The following LHX9 variants were observed in gnomAD, a reference collection of about 807,000 sequenced individuals.
LHX9 encodes LIM homeobox 9.
Under a neutral mutation model 36.5 loss-of-function variants are expected in LHX9, and 9 were observed. The ratio of observed to expected loss-of-function variants is 0.25; its 90% CI spans 0.15 to 0.43. The LOEUF (loss-of-function observed/expected upper bound fraction) is 0.43. LHX9 is among the 20% of genes least tolerant of loss of function. The probability of loss-of-function intolerance (pLI) is 1.00; values close to 1 mark genes in which losing one functional copy is unlikely to be tolerated. For synonymous variants in LHX9, 211 were observed against 212.1 expected, an observed-to-expected ratio of 0.99 and a Z score of 0.04; for missense variants, 464 against 526.4, an observed-to-expected ratio of 0.88 and a Z score of 1.16.
At chr1:197,923,280 C>T (rs1660044690) in intron 3 of LHX9, among the ~76,000 whole-genome samples, 1 of 152,220 alleles carries the variant, frequency 6.6e-6, no homozygotes. Flanking sequence ...CGGGCGAAGC[C>T]CCGGGTTTTG....
Position 197,921,582 on chromosome 1 carries a change from C to G in LHX9, c.656C>G (p.Thr219Arg), listed in dbSNP as rs374017815. ...GGLALPYFNG[T>R]GTVQKGRPRK... ...CTGGCCCTGCCTTACTTCAACGGTA[C>G]GGGCACCGTGCAGAAAGGGCGGCCC... The change falls in exon 3 of 5, where the codon ACG becomes AGG. Residue 219 changes from threonine (T) to arginine (R), a missense_variant. Physicochemically the swap from Thr to Arg is moderately conservative, Grantham distance 71. Around this residue, in one of 5 missense-constraint regions of LHX9, gnomAD observed 130 missense variants for 109.6 expected, o/e 1.19. Coordinates refer to ENST00000367387, the MANE Select transcript of LHX9 (RefSeq NM_020204.3). This position sits in a 1 kb window ranked among gnomAD's most constrained non-coding sequence, Gnocchi z 4.6. 1 of 1,611,620 alleles carries G rather than the reference C, an allele frequency of 6.2e-7. No homozygotes were observed. The highest frequency in any genetic ancestry group is 8.5e-7 in the Non-Finnish European group (1 of 1,179,828).
At position 197,921,030 on chromosome 1, in the gene LHX9, T is replaced by A. The variant is rs12142428; in HGVS notation, c.378-274T>A. 0.36 allele frequency among the ~76,000 whole-genome samples: 55,197 copies of A among 152,034 alleles called. 12,771 individuals are homozygous for A. The highest frequency in any genetic ancestry group is 0.52 in the Non-Finnish European group (35,464 of 67,944). The stretch of plus-strand genomic sequence containing the variant: ...GCTAGTGCTAACTAGTGGTTTGCTT[T>A]TTTAAATTTTTTTTAATGTTTTAAA... On this transcript the variant is annotated intron_variant, in intron 2 of 4. Coordinates refer to ENST00000367387, the MANE Select transcript of LHX9 (RefSeq NM_020204.3). This position sits in a 1 kb window ranked among gnomAD's most constrained non-coding sequence, Gnocchi z 4.6.
In LHX9 at chr1:197,921,799, T is replaced by TGAAG. The variant is rs1182851525; in HGVS notation, c.733+146_733+149dup. 15 of 711,604 alleles carry TGAAG rather than the reference T, an allele frequency of 2.1e-5. No homozygotes were observed. The highest frequency in any genetic ancestry group is 3.4e-5 in the Non-Finnish European group (15 of 442,576). The allele number at this position is 711,604 out of a possible 1,614,324, so 44.1% of individuals were successfully genotyped here. A position where few individuals can be genotyped will look rare whatever the true frequency, so the allele number is the denominator to read the frequency against. On this transcript the variant is annotated intron_variant, in intron 3 of 4. Transcript: ENST00000367387. This position sits in a 1 kb window ranked among gnomAD's most constrained non-coding sequence, Gnocchi z 4.6. ...TTCTCACTGCAACTCCCTCTCACTC[T>TGAAG]GAAGGAAGGGAGAGAGGGAGGAGGA...
chr1:197,916,355 C>T (rs373812421), upstream of LHX9: 1 of 333,826 alleles, frequency 3.0e-6, no homozygotes, highest in Non-Finnish European at 5.5e-6. Context: ...CCTTTCACAC[C>T]CTTCTGAGTG....
chr1:197,918,410 G>T (rs996954974), intron 1 of LHX9: 8 of 716,806 alleles, frequency 1.1e-5, no homozygotes, highest in Non-Finnish European at 1.8e-5. Flanking sequence ...CCAAGCAGGA[G>T]CCCAGGTGGC....
chr1:197,916,714 G>A, upstream of LHX9: 1 of 702,958 alleles, frequency 1.4e-6, no homozygotes, highest in Non-Finnish European at 2.6e-6. Flanking sequence ...CACTTCGGAT[G>A]AAGCCAGCAT....
chr1:197,920,189 C>A lies in LHX9; in HGVS notation c.377+15C>A, dbSNP rs114680933. 7.8e-4 allele frequency: 1,255 copies of A among 1,612,528 alleles called. 11 individuals are homozygous for A. The East Asian group carries it at 0.015, about 19-fold the overall frequency. ...GATTACTACAGGTACTCCCCTACAC[C>A]CCCACTTCCTACGCCCGAGTACACC... On this transcript the variant is annotated intron_variant, in intron 2 of 4. Coordinates refer to ENST00000367387, the MANE Select transcript of LHX9 (RefSeq NM_020204.3).
chr1:197,927,062 C>T (rs1660163286), intron 3 of LHX9, among the ~76,000 whole-genome samples: 1 of 152,174 alleles, frequency 6.6e-6, no homozygotes, highest in Non-Finnish European at 1.5e-5. Context: ...CTAGATGCTT[C>T]CTTAGTTGGT....
At chr1:197,928,277 G>A (rs1016718617) in intron 4 of LHX9, among the ~76,000 whole-genome samples, 8 of 152,292 alleles carry the variant, frequency 5.3e-5, no homozygotes, top group Admixed American at 2.6e-4. Flanking sequence ...ACCAATTGGA[G>A]CAAGTATTTT....
At chr1:197,914,521 G>T (rs1659696224), upstream of LHX9, among the ~76,000 whole-genome samples, 1 of 152,112 alleles carries the variant, frequency 6.6e-6, no homozygotes, top group African/African-American at 2.4e-5. Flanking sequence ...TTGAGAATGA[G>T]GAGCGGGGAG....
chr1:197,917,317 C>G (rs1176608598), upstream of LHX9: 3 of 1,250,652 alleles, frequency 2.4e-6, no homozygotes, highest in South Asian at 2.8e-5. Flanking sequence ...ACTAAATTAT[C>G]AAAAATGGGC....
At position 197,921,729 on chromosome 1, in the gene LHX9, C is replaced by T. The variant is rs532409086; in HGVS notation, c.733+70C>T. The T allele has an allele frequency of 3.1e-6, 4 of 1,275,504 alleles. No individual in the cohort carries two copies. The East Asian group carries it at 1.0e-4, about 32-fold the overall frequency. The allele number at this position is 1,275,504 out of a possible 1,614,324, so 79.0% of individuals were successfully genotyped here. A position where few individuals can be genotyped will look rare whatever the true frequency, so the allele number is the denominator to read the frequency against. The stretch of plus-strand genomic sequence containing the variant: ...AGGAAAATTCGTAGAGCTCCTTCCC[C>T]GTCCAAAGTCTTGCTGCAAGAGTGT... On this transcript the variant is annotated intron_variant, in intron 3 of 4. Transcript: ENST00000367387. The surrounding 1 kb of genome is among the most constrained non-coding windows in gnomAD (Gnocchi z 4.6).
chr1:197,926,009 T>A (rs953655582), intron 3 of LHX9, among the ~76,000 whole-genome samples: 2 of 152,208 alleles, frequency 1.3e-5, no homozygotes, highest in African/African-American at 4.8e-5. Context: ...CTCCTACTTA[T>A]GCGTCTTATG....
rs1275842921 is a variant in LHX9, at chr1:197,933,806, G to A, written c.*4547G>A. 1.3e-5 allele frequency: 2 copies of A among 151,710 alleles called. No homozygotes were observed. Among genetic ancestry groups the A allele is most frequent in the Non-Finnish European group, 2.9e-5 (2 of 67,956 alleles). The allele number at this position is 151,710 out of a possible 1,614,324, so 9.4% of individuals were successfully genotyped here. Reference sequence around the variant, plus strand: ...CTAATTATGTGAGTGGGAAGAGGAAGCGTGTGATGCAGAGCTGGAAGGTCT... The same window carrying A: ...CTAATTATGTGAGTGGGAAGAGGAAACGTGTGATGCAGAGCTGGAAGGTCT... On this transcript the variant is annotated 3_prime_UTR_variant, in exon 5 of 5. Transcript: ENST00000367387.
chr1:197,919,647 A>T (rs1299641141), intron 1 of LHX9, among the ~76,000 whole-genome samples: 2 of 152,214 alleles, frequency 1.3e-5, no homozygotes, highest in African/African-American at 4.8e-5. Flanking sequence ...TTTAGCTTGT[A>T]ATTATTTGAA....
Position 197,934,121 on chromosome 1 carries a change from A to G in LHX9, c.*4862A>G, listed in dbSNP as rs1383240086. 2 of 152,198 alleles carry G rather than the reference A, an allele frequency of 1.3e-5. No individual in the cohort carries two copies. The highest frequency in any genetic ancestry group is 4.8e-5 in the African/African-American group (2 of 41,448). 9.4% of individuals were successfully genotyped at this position (152,198 alleles called of 1,614,324 possible). On this transcript the variant is annotated 3_prime_UTR_variant, in exon 5 of 5. Coordinates refer to ENST00000367387, the MANE Select transcript of LHX9 (RefSeq NM_020204.3). ...TCAAATAAGGATAAAACTCCATAAT[A>G]AAGGACCCAAAGCAAATACTTTTAA...
At chr1:197,914,889 G>T (rs181304425), upstream of LHX9, among the ~76,000 whole-genome samples, 1 of 152,316 alleles carries the variant, frequency 6.6e-6, no homozygotes, top group Non-Finnish European at 1.5e-5. Flanking sequence ...GAAACTGATT[G>T]CAGAAGGTGT....
At chr1:197,914,732 A>T (rs1287603122), upstream of LHX9, among the ~76,000 whole-genome samples, 1 of 151,250 alleles carries the variant, frequency 6.6e-6, no homozygotes, top group African/African-American at 2.4e-5. Flanking sequence ...CCCCCACCCC[A>T]CCCCCAGCTT....
Position 197,929,327 on chromosome 1 carries a change from T to C in LHX9, c.*68T>C. 3.4e-6 allele frequency: 4 copies of C among 1,178,128 alleles called. No homozygotes were observed. Among genetic ancestry groups the C allele is most frequent in the Non-Finnish European group, 4.3e-6 (4 of 937,320 alleles). 73.0% of individuals were successfully genotyped at this position (1,178,128 alleles called of 1,614,324 possible). A position where few individuals can be genotyped will look rare whatever the true frequency, so the allele number is the denominator to read the frequency against. On this transcript the variant is annotated 3_prime_UTR_variant, in exon 5 of 5. Coordinates refer to ENST00000367387, the MANE Select transcript of LHX9 (RefSeq NM_020204.3). The stretch of plus-strand genomic sequence containing the variant: ...TTTATTATTATTCTAATTATTATTA[T>C]TTTATTATTTACAAGACTTTTTTTT...
Sources: gnomAD v4.1 joint callset for allele counts (sites outside exome capture counted in the v4.1 genomes callset) on GRCh38, gnomAD v4.1.1 for gene constraint, gnomAD v4.1.1 regional missense constraint, Gnocchi (gnomAD v3.1) non-coding constraint, MANE v1.5 for transcripts, NCBI Gene and HGNC (gene_info 2026-07-23, HGNC 2026-07-21) for gene names.